The following VSX2 variants were observed in gnomAD, a reference collection of about 807,000 sequenced individuals.
VSX2 encodes visual system homeobox 2.
In VSX2, 28 loss-of-function variants were observed where a neutral mutation model predicts 32.1. The observed-to-expected ratio is 0.87, with a 90% CI of 0.65 to 1.20. VSX2 has a LOEUF of 1.20. Among genes scored for constraint, VSX2 ranks in the 50% most tolerant of loss-of-function variants. VSX2 has a pLI of 0.00. For synonymous variants in VSX2, 243 were observed against 214.1 expected (o/e 1.14, Z -1.18); for missense variants, 506 against 488.7 (o/e 1.04, Z -0.33).
Position 74,245,146 on chromosome 14 carries a change from T to A in VSX2, c.456-19T>A. 6.2e-7 allele frequency: 1 copy of A among 1,613,498 alleles called. No homozygotes were observed. On this transcript the variant is annotated intron_variant, in intron 2 of 4. Coordinates refer to ENST00000261980, the MANE Select transcript of VSX2 (RefSeq NM_182894.3). ...TTTTAGTTTCTGGGGTCCTGAGTGT[T>A]CGGTCTTGCTCCCCTCAGGACAATC... is the stretch of plus-strand genomic sequence containing the variant.
At chr14:74,249,359 C>T (rs1192719866) in intron 3 of VSX2, among the ~76,000 whole-genome samples, 1 of 151,214 alleles carries the variant, frequency 6.6e-6, no homozygotes, top group Non-Finnish European at 1.5e-5. Context: ...AAGCCTCTGC[C>T]TCCCAGGCTT....
At chr14:74,256,923 C>T (rs1031595880) in intron 3 of VSX2, among the ~76,000 whole-genome samples, 10 of 152,008 alleles carry the variant, frequency 6.6e-5, no homozygotes, top group African/African-American at 9.7e-5. Context: ...ATCCACCCGC[C>T]TCGGCCTCCC....
chr14:74,249,676 A>T (rs749740749), intron 3 of VSX2, among the ~76,000 whole-genome samples: 11 of 152,190 alleles, frequency 7.2e-5, no homozygotes, highest in Middle Eastern at 3.2e-3. Context: ...TAAGACTGGG[A>T]TTCAAACCCA....
intron 1 of VSX2, 148 bp downstream of exon 1, chr14:74,240,079 C>A: frequency 1.9e-6 from 2 of 1,080,942 alleles, no homozygotes; most frequent in East Asian, 2.7e-5. Context: ...GGCCGACGCG[C>A]CTGGTGATGG....
chr14:74,253,860 G>A (rs764272032), intron 3 of VSX2, among the ~76,000 whole-genome samples: 1 of 152,134 alleles, frequency 6.6e-6, no homozygotes, highest in Non-Finnish European at 1.5e-5. Flanking sequence ...AATCTGGGAG[G>A]TAGAGGTTGC....
intron 3 of VSX2, among the ~76,000 whole-genome samples, chr14:74,257,710 C>CCG (rs1555388427): frequency 2.4e-5 from 1 of 40,994 alleles, no homozygotes; most frequent in African/African-American, 1.4e-4. Context: ...GCGCGGACCA[C>CCG]CCCCCACCCA....
chr14:74,245,195 G>T lies in VSX2; in HGVS notation c.486G>T (p.Glu162Asp). 6.2e-7 allele frequency: 1 copy of T among 1,613,728 alleles called. No individual in the cohort carries two copies. Among genetic ancestry groups the T allele is most frequent in the Non-Finnish European group, 8.5e-7 (1 of 1,179,926 alleles). Residue 162 changes from glutamate to aspartate, a missense_variant, in exon 3 of 5, where the codon GAG (glutamate) becomes GAT (aspartate). Physicochemically the swap from Glu to Asp is conservative, Grantham distance 45 (BLOSUM62 2). Coordinates refer to ENST00000261980, the MANE Select transcript of VSX2 (RefSeq NM_182894.3). The part of the protein sequence containing the change: ...RTIFTSYQLE[E>D]LEKAFNEAHY... Reference sequence around the variant, plus strand: ...TCTTTACCTCCTACCAGCTAGAGGAGCTGGAGAAGGCATTCAACGAAGCCC... The same window carrying T: ...TCTTTACCTCCTACCAGCTAGAGGATCTGGAGAAGGCATTCAACGAAGCCC...
intron 3 of VSX2, among the ~76,000 whole-genome samples, chr14:74,248,356 AAAAAC>A (rs1254182424): frequency 4.7e-5 from 6 of 127,684 alleles, no homozygotes; most frequent in Admixed American, 2.3e-4. Flanking sequence ...AAAAAACAAA[AAAAAC>A]CAAAAACGAG....
rs57885912 is a variant in VSX2, at chr14:74,244,881, AGTGTGTGTGTGTGTGT to A, written c.456-250_456-235del. ...AACTATGAGACAGAGAGAGAGAGAA[AGTGTGTGTGTGTGTGT>A]GTGTGTGTGTGTGTGTGTGTGTGTG... On this transcript the variant is annotated intron_variant, in intron 2 of 4. Coordinates refer to ENST00000261980, the MANE Select transcript of VSX2 (RefSeq NM_182894.3). Among the ~76,000 whole-genome samples, 292 of 51,236 alleles carry A rather than the reference AGTGTGTGTGTGTGTGT, an allele frequency of 5.7e-3. 20 individuals are homozygous for A. The East Asian group carries it at 0.079, about 14-fold the overall frequency. The allele number at this position is 51,236 out of a possible 152,430, so 33.6% of individuals were successfully genotyped here.
chr14:74,248,334 T>TAAAAAAAAAA lies in VSX2; in HGVS notation c.579+3054_579+3063dup, dbSNP rs781035795. ...TGAGCCCAGCAGTTTGAGACCAGGC[T>TAAAAAAAAAA]AAAAAAAAAAAAAAAAACAAAAAAA... On this transcript the variant is annotated intron_variant, in intron 3 of 4. Coordinates refer to ENST00000261980, the MANE Select transcript of VSX2 (RefSeq NM_182894.3). Among the ~76,000 whole-genome samples, 195 of 84,456 alleles carry TAAAAAAAAAA rather than the reference T, an allele frequency of 2.3e-3. 2 individuals are homozygous for TAAAAAAAAAA. Among genetic ancestry groups the TAAAAAAAAAA allele is most frequent in the East Asian group, 0.018 (27 of 1,486 alleles). The allele number at this position is 84,456 out of a possible 152,430, so 55.4% of individuals were successfully genotyped here.
intron 3 of VSX2, among the ~76,000 whole-genome samples, chr14:74,252,138 T>C (rs75842911): frequency 0.013 from 2,027 of 152,320 alleles, 62 homozygotes; most frequent in African/African-American, 0.047. Context: ...GGACAGCAGC[T>C]ATGTGATGAT....
chr14:74,253,872 G>A (rs2079244959), intron 3 of VSX2, among the ~76,000 whole-genome samples: 1 of 152,196 alleles, frequency 6.6e-6, no homozygotes, highest in Non-Finnish European at 1.5e-5. Flanking sequence ...AGAGGTTGCG[G>A]TGAGCTGAGA....
chr14:74,240,997 C>T (rs1335858130), intron 1 of VSX2, among the ~76,000 whole-genome samples, 185 bp from the exon 2 acceptor site: 2 of 152,170 alleles, frequency 1.3e-5, no homozygotes, highest in Non-Finnish European at 2.9e-5. Flanking sequence ...ATTCGGGCCC[C>T]GGCGCGGGAG....
chr14:74,253,075 A>T (rs2079240454), intron 3 of VSX2, among the ~76,000 whole-genome samples: 1 of 149,540 alleles, frequency 6.7e-6, no homozygotes, highest in Non-Finnish European at 1.5e-5. Context: ...AAAGGAAAAG[A>T]GAAACCCAGG....
At chr14:74,243,395 T>C (rs1435200636) in intron 2 of VSX2, among the ~76,000 whole-genome samples, 1 of 152,050 alleles carries the variant, frequency 6.6e-6, no homozygotes, top group Non-Finnish European at 1.5e-5. Flanking sequence ...ATGGGGGAAG[T>C]GTGTCAGCTC....
chr14:74,254,405 A>C (rs973572848), intron 3 of VSX2, among the ~76,000 whole-genome samples: 4 of 151,338 alleles, frequency 2.6e-5, no homozygotes. Flanking sequence ...ACAGAGCGAG[A>C]CTCTGTCTCA....
At chr14:74,241,561 G>C (rs73307199) in intron 2 of VSX2, among the ~76,000 whole-genome samples, 7 of 152,112 alleles carry the variant, frequency 4.6e-5, no homozygotes, top group Non-Finnish European at 7.4e-5. Context: ...GAGTGGGGGC[G>C]GTCCCCAGAT....
At chr14:74,250,894 G>A (rs1052050767) in intron 3 of VSX2, among the ~76,000 whole-genome samples, 3 of 151,652 alleles carry the variant, frequency 2.0e-5, no homozygotes, top group East Asian at 2.0e-4. Flanking sequence ...TGATCTGCCC[G>A]CCTCGGCCTC....
chr14:74,250,495 CTCT>C (rs2079221414), intron 3 of VSX2, among the ~76,000 whole-genome samples: 1 of 152,142 alleles, frequency 6.6e-6, no homozygotes. Context: ...CATTTCACCC[CTCT>C]TAGAAGTCTC....
Sources: gnomAD v4.1 joint callset for allele counts (sites outside exome capture counted in the v4.1 genomes callset) on GRCh38, gnomAD v4.1.1 for gene constraint, MANE v1.5 for transcripts, NCBI Gene and HGNC (gene_info 2026-07-23, HGNC 2026-07-21) for gene names.